Variants in ARHGAP29 observed in about 807,000 individuals in gnomAD.
ARHGAP29 encodes Rho GTPase activating protein 29.
Under a neutral mutation model 122.6 loss-of-function variants are expected in ARHGAP29, and 43 were observed. That is an observed-to-expected ratio of 0.35 (90% CI 0.27 to 0.45). The LOEUF (loss-of-function observed/expected upper bound fraction) is 0.45, where lower values mean the gene tolerates loss of function less well. Among genes scored for constraint, ARHGAP29 ranks in the 20% least tolerant of loss-of-function variants. ARHGAP29 has a pLI of 1.00. For missense variants in ARHGAP29, 1,303 were observed against 1,477.2 expected, an observed-to-expected ratio of 0.88 and a Z score of 1.93; for synonymous variants, 506 against 497.1, an observed-to-expected ratio of 1.02 and a Z score of -0.24.
chr1:94,304,800 C>CT, the ARHGAP29 span, among the ~76,000 whole-genome samples: 3 of 152,148 alleles, frequency 2.0e-5, no homozygotes, highest in African/African-American at 7.2e-5. Flanking sequence ...GTATTATTCA[C>CT]TTTTTATTAG....
At chr1:94,177,768 T>C (rs746611707) in intron 21 of ARHGAP29, 48 bp from the exon 22 acceptor site, 1 of 1,575,148 alleles carries the variant, frequency 6.3e-7, no homozygotes, top group Admixed American at 1.8e-5. Flanking sequence ...AAACATAACC[T>C]CAAAATAAAC....
chr1:94,313,932 A>C, the ARHGAP29 span, among the ~76,000 whole-genome samples: 13 of 152,126 alleles, frequency 8.5e-5, no homozygotes, highest in Non-Finnish European at 1.8e-4. Flanking sequence ...CAATGAGAAC[A>C]CTTGGACACA....
chr1:94,224,388 G>T (rs17399658), intron 2 of ARHGAP29, among the ~76,000 whole-genome samples: 6,494 of 152,084 alleles, frequency 0.043, 186 homozygotes, highest in Non-Finnish European at 0.065. Context: ...TAAATCTCAG[G>T]CCAAAAGAGC....
intron 2 of ARHGAP29, among the ~76,000 whole-genome samples, chr1:94,229,498 C>A (rs777437022): frequency 9.9e-5 from 15 of 151,534 alleles, no homozygotes; most frequent in Admixed American, 8.5e-4. Context: ...ATTTTGATAA[C>A]GATATTTCAA....
chr1:94,180,039 T>C (rs1234331408), intron 19 of ARHGAP29, 82 bp from the exon 20 acceptor site: 12 of 896,418 alleles, frequency 1.3e-5, no homozygotes, highest in African/African-American at 3.4e-5. Context: ...TACAGAGTGA[T>C]TTAGCATGTC....
chr1:94,231,803 A>C (rs1652933323), intron 1 of ARHGAP29, among the ~76,000 whole-genome samples, 160 bp from the exon 2 acceptor site: 1 of 152,122 alleles, frequency 6.6e-6, no homozygotes, highest in South Asian at 2.1e-4. Context: ...ATCAATAATC[A>C]ATCACTGTAT....
intron 1 of ARHGAP29, among the ~76,000 whole-genome samples, chr1:94,233,850 T>C (rs1398748172): frequency 1.3e-5 from 2 of 152,244 alleles, no homozygotes; most frequent in Non-Finnish European, 1.5e-5. Flanking sequence ...TTTTTAAAAA[T>C]GCTGGGTGCA....
intron 2 of ARHGAP29, among the ~76,000 whole-genome samples, chr1:94,229,616 G>A (rs532561690): frequency 2.6e-5 from 4 of 151,690 alleles, no homozygotes; most frequent in African/African-American, 9.6e-5. Flanking sequence ...TAATTTCCTG[G>A]CCATAAATTG....
chr1:94,201,693 C>G (rs1483095140), intron 12 of ARHGAP29, 27 bp downstream of exon 12: 3 of 1,612,172 alleles, frequency 1.9e-6, no homozygotes, highest in Non-Finnish European at 2.5e-6. Context: ...TTCTTCTTGC[C>G]TTCAAAATAC....
At chr1:94,282,534 C>T in the ARHGAP29 span, among the ~76,000 whole-genome samples, 66 of 152,074 alleles carry the variant, frequency 4.3e-4, 1 homozygote, top group Middle Eastern at 3.4e-3. Flanking sequence ...TCTAGGCCTC[C>T]GAAAGTGCTG....
At position 94,169,344 on chromosome 1, in the gene ARHGAP29, T is replaced by G. The variant is rs1488901622; in HGVS notation, c.*4525A>C. On this transcript the variant is annotated 3_prime_UTR_variant, in exon 23 of 23. Transcript: ENST00000260526. ...GGGAGGATGTTAGGGATTGGTGTGG[T>G]CAGGACCAGCGCTGCTATGACTGCG... Among the ~76,000 whole-genome samples, 1 of 152,102 alleles carries G rather than the reference T, an allele frequency of 6.6e-6. No homozygotes were observed. Among genetic ancestry groups the G allele is most frequent in the Non-Finnish European group, 1.5e-5 (1 of 68,014 alleles).
At position 94,177,894 on chromosome 1, in the gene ARHGAP29, G is replaced by T. The variant is rs753188754; in HGVS notation, c.2754C>A (p.Asp918Glu). The change falls in exon 21 of 23, where the codon GAC becomes GAA. Residue 918 changes from aspartate (D) to glutamate (E), a missense_variant. By Grantham distance (45) the Asp-to-Glu change is conservative. This residue lies in a region of ARHGAP29 where 620 missense variants were observed against 651.2 expected (regional missense o/e 0.95). Coordinates refer to ENST00000260526, the MANE Select transcript of ARHGAP29 (RefSeq NM_004815.4). ...PKPLLSPEER[D>E]IERSMKSLFF... ...ATAGTGACTTCATGGAACGTTCAAT[G>T]TCTCTTTCTTCTGGTGATAACAGAG... 1.9e-6 allele frequency: 3 copies of T among 1,613,874 alleles called. No homozygotes were observed. In the South Asian group the frequency reaches 3.3e-5, roughly 18 times the overall value.
chr1:94,238,018 A>T (rs1224113313), upstream of ARHGAP29, among the ~76,000 whole-genome samples: 2 of 142,078 alleles, frequency 1.4e-5, no homozygotes, highest in Admixed American at 7.0e-5. Context: ...TCTGCCCTCT[A>T]TGGAGGGTAA....
intron 22 of ARHGAP29, among the ~76,000 whole-genome samples, chr1:94,176,129 GA>G (rs1557836124): frequency 6.6e-6 from 1 of 152,164 alleles, no homozygotes; most frequent in African/African-American, 2.4e-5. Context: ...GAAAAACTTA[GA>G]GCATAATGGA....
intron 19 of ARHGAP29, 56 bp from the exon 20 acceptor site, chr1:94,180,013 AACTATT>A: frequency 1.8e-6 from 2 of 1,141,602 alleles, no homozygotes; most frequent in Non-Finnish European, 2.5e-6. Context: ...GTTAATAATC[AACTATT>A]ACTAACAGTT....
upstream of ARHGAP29, among the ~76,000 whole-genome samples, chr1:94,280,006 C>CT (rs1655297671): frequency 6.6e-6 from 1 of 152,108 alleles, no homozygotes; most frequent in Non-Finnish European, 1.5e-5. Context: ...TATTTCTGTA[C>CT]TTGTTTTTTC....
chr1:94,242,987 C>T (rs1653658403), intron 1 of ARHGAP29, among the ~76,000 whole-genome samples: 1 of 151,982 alleles, frequency 6.6e-6, no homozygotes, highest in Non-Finnish European at 1.5e-5. Context: ...TGAGTCATTT[C>T]ATCATAATGA....
chr1:94,263,074 C>A (rs1225198948), intron 1 of ARHGAP29, among the ~76,000 whole-genome samples: 1 of 152,066 alleles, frequency 6.6e-6, no homozygotes, highest in Non-Finnish European at 1.5e-5. Context: ...TAAAAAAGAA[C>A]AAGATCATGT....
At chr1:94,280,877 G>A in the ARHGAP29 span, among the ~76,000 whole-genome samples, 2 of 152,180 alleles carry the variant, frequency 1.3e-5, no homozygotes, top group African/African-American at 4.8e-5. Flanking sequence ...GGATGGAGTT[G>A]TCAAATGACC....
Sources: gnomAD v4.1 joint callset for allele counts (sites outside exome capture counted in the v4.1 genomes callset) on GRCh38, gnomAD v4.1.1 for gene constraint, gnomAD v4.1.1 regional missense constraint, MANE v1.5 for transcripts, NCBI Gene and HGNC (gene_info 2026-07-23, HGNC 2026-07-21) for gene names.